SLC16A7: variants seen among roughly 807,000 people sequenced by gnomAD.
The protein encoded by SLC16A7 is solute carrier family 16 member 7.
In SLC16A7, 33 loss-of-function variants were observed where a neutral mutation model predicts 34.9. That is an observed-to-expected ratio of 0.94 (90% CI 0.72 to 1.26). The LOEUF is 1.26. Among genes scored for constraint, SLC16A7 ranks in the 50% most tolerant of loss-of-function variants. The pLI, the probability that SLC16A7 is intolerant of heterozygous loss-of-function variation, is 0.00. For synonymous variants in SLC16A7, 201 were observed against 206.6 expected, an observed-to-expected ratio of 0.97 and a Z score of 0.23; for missense variants, 573 against 578.1, an observed-to-expected ratio of 0.99 and a Z score of 0.09.
chr12:59,685,131 A>G (rs966514949), intron 2 of SLC16A7, among the ~76,000 whole-genome samples: 7 of 152,200 alleles, frequency 4.6e-5, no homozygotes, highest in African/African-American at 1.7e-4. Context: ...CATAAGTGAC[A>G]AGCAGGATCC....
chr12:59,753,019 A>G (rs1879783655), intron 3 of SLC16A7, among the ~76,000 whole-genome samples: 1 of 152,208 alleles, frequency 6.6e-6, no homozygotes, highest in African/African-American at 2.4e-5. Flanking sequence ...TTCATAAGTG[A>G]AAGAGAAATA....
At chr12:59,762,399 G>C (rs1881113145) in intron 3 of SLC16A7, among the ~76,000 whole-genome samples, 1 of 151,962 alleles carries the variant, frequency 6.6e-6, no homozygotes, top group South Asian at 2.1e-4. Context: ...ATATAGTTAT[G>C]ACACATTGTG....
Position 59,785,538 on chromosome 12 carries a change from T to TATG in SLC16A7, c.*5860_*5862dup, listed in dbSNP as rs1883555246. 6.6e-6 allele frequency: 1 copy of TATG among 152,188 alleles called. No individual in the cohort carries two copies. Among genetic ancestry groups the TATG allele is most frequent in the Non-Finnish European group, 1.5e-5 (1 of 68,034 alleles). 9.4% of individuals were successfully genotyped at this position (152,188 alleles called of 1,614,324 possible). ...ATCATCTCCTAAATGTTTTCCTTTC[T>TATG]ATGTTTTTATAATATCTAGGTAAAA... On this transcript the variant is annotated 3_prime_UTR_variant, in exon 6 of 6. Transcript: ENST00000547379.
intron 3 of SLC16A7, among the ~76,000 whole-genome samples, chr12:59,754,029 G>T (rs1879947933): frequency 6.6e-6 from 1 of 152,132 alleles, no homozygotes; most frequent in South Asian, 2.1e-4. Context: ...CGAAATGAAG[G>T]CAGAAATAAA....
At chr12:59,604,275 C>G (rs1266911968) in intron 1 of SLC16A7, among the ~76,000 whole-genome samples, 5 of 152,244 alleles carry the variant, frequency 3.3e-5, no homozygotes, top group African/African-American at 4.8e-5. Context: ...CGATCTACCT[C>G]TGGGAGAATC....
chr12:59,700,853 G>A (rs1448703636), intron 2 of SLC16A7, among the ~76,000 whole-genome samples: 3 of 151,584 alleles, frequency 2.0e-5, no homozygotes, highest in Non-Finnish European at 4.4e-5. Context: ...TTCACATTCA[G>A]CCCCAACTAT....
At chr12:59,647,636 T>G (rs1429798191) in intron 1 of SLC16A7, among the ~76,000 whole-genome samples, 1 of 152,156 alleles carries the variant, frequency 6.6e-6, no homozygotes, top group Non-Finnish European at 1.5e-5. Flanking sequence ...CCACCTTCAC[T>G]GCAGAAGCAG....
At chr12:59,674,648 CTAAAG>C (rs763541884) in intron 2 of SLC16A7, among the ~76,000 whole-genome samples, 33 of 152,128 alleles carry the variant, frequency 2.2e-4, no homozygotes, top group Non-Finnish European at 3.7e-4. Flanking sequence ...TATCAGCTCT[CTAAAG>C]TAAGAGGTGC....
intron 1 of SLC16A7, among the ~76,000 whole-genome samples, chr12:59,616,407 A>T (rs1218984660): frequency 6.6e-6 from 1 of 152,182 alleles, no homozygotes; most frequent in Non-Finnish European, 1.5e-5. Flanking sequence ...GCCATTAAAC[A>T]TACCTAAATT....
rs556149443 is a variant in SLC16A7 at position 59,674,051 on chromosome 12, G to A, written c.-31+18801G>A. Among the ~76,000 whole-genome samples, 169 of 152,222 alleles carry A rather than the reference G, an allele frequency of 1.1e-3. 6 individuals are homozygous for A. In the South Asian group the frequency reaches 0.014, roughly 12 times the overall value. ...GCTTTTCCCAACTAGATTTTGATGA[G>A]AAAATTATTCCCTAATAACCTAAAC... On this transcript the variant is annotated intron_variant, in intron 2 of 5. Transcript: ENST00000547379.
intron 1 of SLC16A7, among the ~76,000 whole-genome samples, chr12:59,620,076 CAGAG>C (rs1879632907): frequency 6.6e-6 from 1 of 151,820 alleles, no homozygotes; most frequent in African/African-American, 2.4e-5. Context: ...CTTATAGAGA[CAGAG>C]AGGGCAGCTG....
intron 1 of SLC16A7, among the ~76,000 whole-genome samples, chr12:59,652,594 C>A (rs1012521767): frequency 1.3e-5 from 2 of 151,848 alleles, no homozygotes; most frequent in Non-Finnish European, 2.9e-5. Context: ...AAATACCATA[C>A]TATTTCCTAC....
At chr12:59,744,963 C>T (rs1353628259) in intron 3 of SLC16A7, among the ~76,000 whole-genome samples, 1 of 152,290 alleles carries the variant, frequency 6.6e-6, no homozygotes, top group Non-Finnish European at 1.5e-5. Context: ...TAGATCCCCC[C>T]ATCAAAGGTG....
intron 3 of SLC16A7, among the ~76,000 whole-genome samples, chr12:59,719,314 T>A (rs1308670048): frequency 6.6e-6 from 1 of 152,148 alleles, no homozygotes. Flanking sequence ...AGAAGAGATA[T>A]AATAAAACAA....
At chr12:59,762,750 G>A (rs1881152337) in intron 3 of SLC16A7, among the ~76,000 whole-genome samples, 1 of 151,570 alleles carries the variant, frequency 6.6e-6, no homozygotes, top group Admixed American at 6.6e-5. Flanking sequence ...TGAGGCTGCA[G>A]TGTACTATAA....
chr12:59,693,085 A>G (rs1008009708), intron 2 of SLC16A7, among the ~76,000 whole-genome samples: 2 of 152,000 alleles, frequency 1.3e-5, no homozygotes, highest in Admixed American at 1.3e-4. Context: ...TGAAAACATA[A>G]TATAATATAA....
At chr12:59,608,762 T>C (rs1019372253) in intron 1 of SLC16A7, among the ~76,000 whole-genome samples, 7 of 152,230 alleles carry the variant, frequency 4.6e-5, no homozygotes, top group Non-Finnish European at 8.8e-5. Context: ...TTCATTTTAT[T>C]TTTGTTAATA....
chr12:59,664,176 G>A (rs527684533), intron 2 of SLC16A7, among the ~76,000 whole-genome samples: 2 of 152,226 alleles, frequency 1.3e-5, no homozygotes, highest in Non-Finnish European at 2.9e-5. Flanking sequence ...TGTCTATCAT[G>A]TATCATTTAG....
chr12:59,632,230 AG>A (rs1324627291), intron 1 of SLC16A7, among the ~76,000 whole-genome samples: 1 of 152,010 alleles, frequency 6.6e-6, no homozygotes, highest in Admixed American at 6.6e-5. Context: ...CTTAAATGCT[AG>A]AATTTCATCT....
Sources: allele counts gnomAD v4.1 joint callset (sites outside exome capture counted in the v4.1 genomes callset), GRCh38; gene constraint gnomAD v4.1.1; transcripts MANE v1.5; gene names NCBI Gene and HGNC (gene_info 2026-07-23, HGNC 2026-07-21).